Variants in KCNJ6 observed in about 807,000 individuals in gnomAD.
KCNJ6 encodes the protein potassium inwardly rectifying channel subfamily J member 6.
Under a neutral mutation model 34.2 loss-of-function variants are expected in KCNJ6, and 9 were observed. The observed-to-expected ratio is 0.26, with a 90% CI of 0.16 to 0.46. The LOEUF (loss-of-function observed/expected upper bound fraction) is 0.46. Among genes scored for constraint, KCNJ6 ranks in the 20% least tolerant of loss-of-function variants. The pLI, the probability that KCNJ6 is intolerant of heterozygous loss-of-function variation, is 1.00. For missense variants in KCNJ6, 236 were observed against 531.3 expected (o/e 0.44, Z 5.46); for synonymous variants, 196 against 207.1 (o/e 0.95, Z 0.46).
intron 3 of KCNJ6, among the ~76,000 whole-genome samples, chr21:37,664,478 C>T (rs1353459737): frequency 6.6e-6 from 1 of 151,898 alleles, no homozygotes; most frequent in Non-Finnish European, 1.5e-5. Flanking sequence ...TTTAAATACA[C>T]AATATCTGAA....
chr21:37,769,322 C>A (rs1446011733), intron 2 of KCNJ6, among the ~76,000 whole-genome samples: 2 of 151,748 alleles, frequency 1.3e-5, no homozygotes, highest in African/African-American at 4.8e-5. Context: ...TGTTCAGATA[C>A]CCCCCACCCC....
At chr21:37,833,269 C>T (rs1435047724) in intron 2 of KCNJ6, among the ~76,000 whole-genome samples, 1 of 152,190 alleles carries the variant, frequency 6.6e-6, no homozygotes, top group Non-Finnish European at 1.5e-5. Flanking sequence ...CCCACCTCAG[C>T]CTCCCAAAGT....
At chr21:37,831,948 A>G (rs1169262732) in intron 2 of KCNJ6, among the ~76,000 whole-genome samples, 1 of 152,170 alleles carries the variant, frequency 6.6e-6, no homozygotes, top group East Asian at 1.9e-4. Context: ...CAGGGACAGT[A>G]GAAGGCACAC....
In KCNJ6 at chr21:37,868,805, G is replaced by A. The variant is rs538287778; in HGVS notation, c.-27-28096C>T. The stretch of plus-strand genomic sequence containing the variant: ...GCAGGCAGGGCTGGGGTTGGGTGGA[G>A]AGGGGAGGACAGAGGCGCTGGCAAT... On this transcript the variant is annotated intron_variant, in intron 1 of 3. Transcript: ENST00000609713. 2.6e-5 allele frequency among the ~76,000 whole-genome samples: 4 copies of A among 152,352 alleles called. No individual in the cohort carries two copies. The South Asian group carries it at 8.3e-4, about 32-fold the overall frequency.
intron 2 of KCNJ6, 119 bp downstream of exon 2, chr21:37,840,539 G>A (rs1254801685): frequency 4.5e-6 from 3 of 665,330 alleles, no homozygotes; most frequent in Non-Finnish European, 8.0e-6. Context: ...AACAGATCTC[G>A]GTCCCGTAAG....
chr21:37,796,908 C>T (rs2055245992), intron 2 of KCNJ6, among the ~76,000 whole-genome samples: 1 of 150,602 alleles, frequency 6.6e-6, no homozygotes, highest in African/African-American at 2.4e-5. Flanking sequence ...ATTCTCCTGC[C>T]TCAGCCTCCC....
chr21:37,769,094 C>G (rs1322696280), intron 2 of KCNJ6, among the ~76,000 whole-genome samples: 1 of 152,214 alleles, frequency 6.6e-6, no homozygotes, highest in African/African-American at 2.4e-5. Flanking sequence ...TTCAGCTCTT[C>G]AGATGCTGCG....
rs79079757 is a variant in KCNJ6, at chr21:37,634,019, G to C, written c.947-8535C>G. Among the ~76,000 whole-genome samples the C allele has an allele frequency of 4.5e-3, 682 of 152,270 alleles. 2 individuals carry two copies. The highest frequency in any genetic ancestry group is 8.4e-3 in the Admixed American group (129 of 15,284). On this transcript the variant is annotated intron_variant, in intron 3 of 3. Coordinates refer to ENST00000609713, the MANE Select transcript of KCNJ6 (RefSeq NM_002240.5). ...AAACACTCCTGGAGAAGAACAAACT[G>C]TAGGGACTCACTCTATTAGATCACA...
rs2054942364 is a variant in KCNJ6 at position 37,741,779 on chromosome 21, T to C, written c.26-26648A>G. ...ACCCAGAGGCATCTTTGTGTCTCCA[T>C]CTTTCACCCCACTGCCAACAGATGC... On this transcript the variant is annotated intron_variant, in intron 2 of 3. Transcript: ENST00000609713. Among the ~76,000 whole-genome samples the C allele has an allele frequency of 3.9e-5, 6 of 152,338 alleles. No homozygotes were observed. In the South Asian group the frequency reaches 1.2e-3, roughly 32 times the overall value.
At chr21:37,860,620 CT>C (rs1279708896) in intron 1 of KCNJ6, among the ~76,000 whole-genome samples, 1 of 152,192 alleles carries the variant, frequency 6.6e-6, no homozygotes, top group Non-Finnish European at 1.5e-5. Flanking sequence ...ATTTCCCAGC[CT>C]TCTCCCCATC....
intron 1 of KCNJ6, among the ~76,000 whole-genome samples, chr21:37,862,096 G>C (rs192996025): frequency 2.0e-5 from 3 of 152,296 alleles, no homozygotes; most frequent in East Asian, 3.9e-4. Flanking sequence ...GCCCTTCTTG[G>C]AACCAGTTTC....
rs189660567 is a variant in KCNJ6 at position 37,715,096 on chromosome 21, C to T, written c.61G>A (p.Val21Ile). Residue 21 changes from valine (V) to isoleucine (I), a missense_variant, in exon 3 of 4, where the codon GTC becomes ATC. Physicochemically the swap from Val to Ile is conservative, Grantham distance 29. Coordinates refer to ENST00000609713, the MANE Select transcript of KCNJ6 (RefSeq NM_002240.5). ...TGGTGAATGGCCACTGGGCTTTCGACGTCCTGATCCATGGAGTCGCCCTCC... is the reference window on the plus strand; with the variant it reads ...TGGTGAATGGCCACTGGGCTTTCGATGTCCTGATCCATGGAGTCGCCCTCC... ...VLEGDSMDQDVESPVAIHQPK... is the reference protein window; with the variant it reads ...VLEGDSMDQDIESPVAIHQPK... 6.2e-5 allele frequency: 100 copies of T among 1,614,096 alleles called. No individual in the cohort carries two copies. The highest frequency in any genetic ancestry group is 2.3e-4 in the African/African-American group (17 of 75,048).
At chr21:37,698,586 G>A (rs923307065) in intron 3 of KCNJ6, among the ~76,000 whole-genome samples, 17 of 152,214 alleles carry the variant, frequency 1.1e-4, no homozygotes, top group African/African-American at 3.9e-4. Flanking sequence ...CTAGAGTGCA[G>A]TGGCACCATC....
At chr21:37,828,845 T>C (rs927387430) in intron 2 of KCNJ6, among the ~76,000 whole-genome samples, 1 of 152,228 alleles carries the variant, frequency 6.6e-6, no homozygotes, top group Admixed American at 6.5e-5. Flanking sequence ...GTTAGCCATC[T>C]ACTCTGTACC....
At chr21:37,834,570 T>C (rs963106860) in intron 2 of KCNJ6, among the ~76,000 whole-genome samples, 4 of 152,264 alleles carry the variant, frequency 2.6e-5, no homozygotes, top group African/African-American at 9.6e-5. Context: ...TTTTTGTCTT[T>C]CTGTGCCTTA....
chr21:37,726,685 TC>T (rs1301098483), intron 2 of KCNJ6, among the ~76,000 whole-genome samples: 1 of 152,248 alleles, frequency 6.6e-6, no homozygotes, highest in African/African-American at 2.4e-5. Context: ...TCTGTGGGTG[TC>T]TTTGCTTTCT....
chr21:37,635,100 A>G (rs1015519123), intron 3 of KCNJ6, among the ~76,000 whole-genome samples: 2 of 152,134 alleles, frequency 1.3e-5, no homozygotes, highest in African/African-American at 4.8e-5. Context: ...GGAATGTTAA[A>G]AACAAGTAGT....
rs191422431 is a variant in KCNJ6 at position 37,736,935 on chromosome 21, G to A, written c.26-21804C>T. ...ATGCAACTTAGACACGAGTTGCTGCGCTGGGCTGTTGCAGTTGACTGGGGG... is the reference window on the plus strand; with the variant it reads ...ATGCAACTTAGACACGAGTTGCTGCACTGGGCTGTTGCAGTTGACTGGGGG... On this transcript the variant is annotated intron_variant, in intron 2 of 3. Transcript: ENST00000609713. Among the ~76,000 whole-genome samples, 27 of 152,328 alleles carry A rather than the reference G, an allele frequency of 1.8e-4. No individual in the cohort carries two copies. The East Asian group carries it at 2.9e-3, about 16-fold the overall frequency.
At chr21:37,904,648 G>A (rs539201314) in intron 1 of KCNJ6, among the ~76,000 whole-genome samples, 2 of 152,168 alleles carry the variant, frequency 1.3e-5, no homozygotes, top group South Asian at 2.1e-4. Context: ...TGCTGTTTGG[G>A]AGCCAGGCTA....
Sources: allele counts gnomAD v4.1 joint callset (sites outside exome capture counted in the v4.1 genomes callset), GRCh38; gene constraint gnomAD v4.1.1; transcripts MANE v1.5; gene names NCBI Gene and HGNC (gene_info 2026-07-23, HGNC 2026-07-21).